Variants in PDGFC observed in about 807,000 individuals in gnomAD.
PDGFC encodes platelet-derived growth factor C.
A neutral mutation model predicts 35.5 loss-of-function variants in PDGFC; 12 were observed. That is an observed-to-expected ratio of 0.34 (90% CI 0.22 to 0.55). The LOEUF (loss-of-function observed/expected upper bound fraction) is 0.55, where lower values mean the gene tolerates loss of function less well. Among genes scored for constraint, PDGFC ranks in the 20% least tolerant of loss-of-function variants. The pLI, the probability that PDGFC is intolerant of heterozygous loss-of-function variation, is 0.91. For synonymous variants in PDGFC, 159 were observed against 148.8 expected (o/e 1.07, Z -0.50); for missense variants, 322 against 412.4 (o/e 0.78, Z 1.90).
chr4:156,958,331 A>T (rs952714152), intron 1 of PDGFC, among the ~76,000 whole-genome samples: 2 of 151,958 alleles, frequency 1.3e-5, no homozygotes, highest in African/African-American at 4.8e-5. Context: ...TTAAAAAAAA[A>T]AAAAGGAACT....
At chr4:156,827,588 T>A (rs1033473237) in intron 2 of PDGFC, among the ~76,000 whole-genome samples, 3 of 152,098 alleles carry the variant, frequency 2.0e-5, no homozygotes, top group Non-Finnish European at 2.9e-5. Context: ...CTAAATCCAA[T>A]GGTCCTGTGG....
intron 1 of PDGFC, among the ~76,000 whole-genome samples, chr4:156,966,732 G>A (rs1402127050): frequency 6.6e-6 from 1 of 152,166 alleles, no homozygotes; most frequent in Non-Finnish European, 1.5e-5. Flanking sequence ...AGCACTGAGG[G>A]AAGTTTAATG....
chr4:156,925,614 T>C (rs1213887070), intron 1 of PDGFC, among the ~76,000 whole-genome samples: 7 of 152,010 alleles, frequency 4.6e-5, no homozygotes, highest in Non-Finnish European at 1.0e-4. Flanking sequence ...TGCAGATAGA[T>C]AATTATACAG....
chr4:156,895,542 G>T (rs1296287291), intron 1 of PDGFC, among the ~76,000 whole-genome samples: 1 of 151,720 alleles, frequency 6.6e-6, no homozygotes, highest in Non-Finnish European at 1.5e-5. Context: ...TGAGGCAGGA[G>T]AATTGCTTGA....
intron 2 of PDGFC, among the ~76,000 whole-genome samples, chr4:156,824,861 C>T (rs1732399015): frequency 6.6e-6 from 1 of 152,006 alleles, no homozygotes; most frequent in Non-Finnish European, 1.5e-5. Context: ...TTTATAAAAA[C>T]CTCATTAATA....
intron 2 of PDGFC, among the ~76,000 whole-genome samples, chr4:156,814,720 C>T (rs1197067681): frequency 6.6e-6 from 1 of 152,112 alleles, no homozygotes; most frequent in African/African-American, 2.4e-5. Flanking sequence ...TAAACTACCT[C>T]ATATGTTATA....
At chr4:156,925,679 CTACA>C (rs566993658) in intron 1 of PDGFC, among the ~76,000 whole-genome samples, 1 of 150,772 alleles carries the variant, frequency 6.6e-6, no homozygotes, top group Admixed American at 6.6e-5. Flanking sequence ...TGGAGATCAT[CTACA>C]TACATACAGT....
chr4:156,857,400 A>G (rs1007669085), intron 1 of PDGFC, among the ~76,000 whole-genome samples: 1 of 152,120 alleles, frequency 6.6e-6, no homozygotes, highest in Non-Finnish European at 1.5e-5. Flanking sequence ...ATTTACTTCT[A>G]CAGCTTAATT....
intron 1 of PDGFC, among the ~76,000 whole-genome samples, chr4:156,914,992 C>A (rs1479921368): frequency 6.6e-6 from 1 of 151,982 alleles, no homozygotes; most frequent in Non-Finnish European, 1.5e-5. Flanking sequence ...AAAAAACAAG[C>A]AATTAAATTG....
At chr4:156,907,533 GACATTGA>G (rs1209936845) in intron 1 of PDGFC, among the ~76,000 whole-genome samples, 1 of 152,156 alleles carries the variant, frequency 6.6e-6, no homozygotes, top group Non-Finnish European at 1.5e-5. Context: ...AATGTCTAGA[GACATTGA>G]GGGCCCCCCA....
intron 3 of PDGFC, among the ~76,000 whole-genome samples, chr4:156,793,675 G>A (rs1267506968): frequency 6.6e-6 from 1 of 151,274 alleles, no homozygotes; most frequent in African/African-American, 2.4e-5. Context: ...GGGGGGCAGT[G>A]GCCTGGAATC....
chr4:156,903,285 C>G (rs1730837997), intron 1 of PDGFC, among the ~76,000 whole-genome samples: 1 of 151,864 alleles, frequency 6.6e-6, no homozygotes, highest in South Asian at 2.1e-4. Context: ...ATAACATTTT[C>G]TAATAAAATG....
intron 1 of PDGFC, among the ~76,000 whole-genome samples, chr4:156,918,265 T>G (rs1731195674): frequency 6.6e-6 from 1 of 152,206 alleles, no homozygotes; most frequent in African/African-American, 2.4e-5. Flanking sequence ...AGTATCATTT[T>G]CCCCCATACT....
chr4:156,831,997 C>T (rs992728213), intron 2 of PDGFC, among the ~76,000 whole-genome samples: 6 of 152,074 alleles, frequency 3.9e-5, no homozygotes, highest in Admixed American at 3.9e-4. Flanking sequence ...ACACACACCC[C>T]ATCCTATAAA....
At chr4:156,835,294 G>C (rs935314089) in intron 2 of PDGFC, among the ~76,000 whole-genome samples, 2 of 152,196 alleles carry the variant, frequency 1.3e-5, no homozygotes, top group East Asian at 3.9e-4. Flanking sequence ...AATAATAGAC[G>C]CTGCGGAGAA....
At chr4:156,870,860 A>G (rs563510318) in intron 1 of PDGFC, among the ~76,000 whole-genome samples, 1 of 152,276 alleles carries the variant, frequency 6.6e-6, no homozygotes, top group Admixed American at 6.5e-5. Context: ...CTATAGTTAG[A>G]GGATCAAAAA....
Position 156,825,169 on chromosome 4 carries a change from C to T in PDGFC, c.315-14152G>A, listed in dbSNP as rs191583342. ...GGCAGATGCAGGAAAAGGGTAGGCC[C>T]TCCTCAAATGCATTCCAACTACTGA... On this transcript the variant is annotated intron_variant, in intron 2 of 5. Transcript: ENST00000502773. Among the ~76,000 whole-genome samples the T allele has an allele frequency of 3.0e-3, 453 of 152,184 alleles. 1 individual carries two copies. Among genetic ancestry groups the T allele is most frequent in the Non-Finnish European group, 5.3e-3 (358 of 68,026 alleles).
rs1356238950 is a variant in PDGFC, at chr4:156,968,015, G to C, written c.118+2771C>G. 2.0e-5 allele frequency among the ~76,000 whole-genome samples: 3 copies of C among 152,178 alleles called. No homozygotes were observed. In the East Asian group the frequency reaches 5.8e-4, roughly 29 times the overall value. The stretch of plus-strand genomic sequence containing the variant: ...CAATCCAATGGTAGGTCAAAAACCA[G>C]ATACCTAACAATAGTGTAAATGACA... On this transcript the variant is annotated intron_variant, in intron 1 of 5. Coordinates refer to ENST00000502773, the MANE Select transcript of PDGFC (RefSeq NM_016205.3).
At chr4:156,929,332 A>C (rs972385093) in intron 1 of PDGFC, among the ~76,000 whole-genome samples, 1 of 152,276 alleles carries the variant, frequency 6.6e-6, no homozygotes, top group East Asian at 1.9e-4. Context: ...CAGAACAAAA[A>C]TGCATTCTAT....
Sources: allele counts gnomAD v4.1 joint callset (sites outside exome capture counted in the v4.1 genomes callset), GRCh38; gene constraint gnomAD v4.1.1; transcripts MANE v1.5; gene names NCBI Gene and HGNC (gene_info 2026-07-23, HGNC 2026-07-21).